Variants in COL4A4 observed in about 807,000 individuals in gnomAD.
COL4A4 encodes the protein collagen type IV alpha 4 chain, also known as collagen alpha-4(IV) chain.
COL4A4 carries 105 observed loss-of-function variants against 192.9 expected under a neutral mutation model. The ratio of observed to expected loss-of-function variants is 0.54; its 90% confidence interval spans 0.46 to 0.64. The LOEUF (loss-of-function observed/expected upper bound fraction) is 0.64. Among genes scored for constraint, COL4A4 ranks in the 30% least tolerant of loss-of-function variants. COL4A4 has a pLI of 0.00. For synonymous variants in COL4A4, 762 were observed against 769.9 expected, an observed-to-expected ratio of 0.99 and a Z score of 0.17; for missense variants, 1,967 against 2,169.3, an observed-to-expected ratio of 0.91 and a Z score of 1.85.
chr2:227,013,608 C>G (rs898111752), intron 44 of COL4A4, among the ~76,000 whole-genome samples: 1 of 152,190 alleles, frequency 6.6e-6, no homozygotes, highest in South Asian at 2.1e-4. Context: ...TTGGGAGAAA[C>G]CAGCCCTGTT....
At chr2:227,041,825 A>AG in intron 37 of COL4A4, among the ~76,000 whole-genome samples, 1 of 38,592 alleles carries the variant, frequency 2.6e-5, no homozygotes, top group African/African-American at 1.6e-4. Context: ...AGAAAGAAAG[A>AG]AAGAAAGAAA....
chr2:227,047,518 A>G lies in COL4A4; in HGVS notation c.3246T>C (p.Gly1082=). The G allele has an allele frequency of 6.2e-7, 1 of 1,613,804 alleles. No homozygotes were observed. The highest frequency in any genetic ancestry group is 1.1e-5 in the South Asian group (1 of 91,058). The part of the protein sequence containing the change: ...GNKGDPASHF[G]PPGPKGEPGS... Reference sequence around the variant, plus strand: ...CTGGCTCACCCTTTGGACCAGGTGGACCAAAGTGACTGGCAGGGTCACCTT... The same window carrying G: ...CTGGCTCACCCTTTGGACCAGGTGGGCCAAAGTGACTGGCAGGGTCACCTT... Residue 1082 remains glycine, a synonymous_variant, in exon 35 of 48, where the codon GGT becomes GGC. Coordinates refer to ENST00000396625, the MANE Select transcript of COL4A4 (RefSeq NM_000092.5).
chr2:226,969,617 T>G, the COL4A4 span, among the ~76,000 whole-genome samples: 3 of 152,172 alleles, frequency 2.0e-5, no homozygotes, highest in Non-Finnish European at 4.4e-5. Flanking sequence ...GAGTCCCGTT[T>G]GACAGACTTC....
At position 227,006,791 on chromosome 2, in the gene COL4A4, CTT is replaced by C. The variant is rs1157170445; in HGVS notation, c.*532_*533del. On this transcript the variant is annotated 3_prime_UTR_variant, in exon 48 of 48. Coordinates refer to ENST00000396625, the MANE Select transcript of COL4A4 (RefSeq NM_000092.5). ...TTTTCTTCTTTAAAAAAAAATCTCT[CTT>C]TGCGTCATGGTTTTACCATTATTTA... The C allele has an allele frequency of 4.5e-5, 7 of 153,956 alleles. No homozygotes were observed. Among genetic ancestry groups the C allele is most frequent in the Non-Finnish European group, 8.6e-5 (6 of 69,568 alleles). The allele number at this position is 153,956 out of a possible 1,614,324, so 9.5% of individuals were successfully genotyped here. A position where few individuals can be genotyped will look rare whatever the true frequency, so the allele number is the denominator to read the frequency against.
intron 4 of COL4A4, among the ~76,000 whole-genome samples, chr2:227,131,122 T>G (rs34636127): frequency 0.35 from 53,848 of 151,788 alleles, 10,028 homozygotes; most frequent in Non-Finnish European, 0.41. Flanking sequence ...TTTCTTATTA[T>G]GCAGGAAAAT....
rs369608707 is a variant in COL4A4 at position 227,090,349 on chromosome 2, G to A, written c.1370-392C>T. On this transcript the variant is annotated intron_variant, in intron 20 of 47. Coordinates refer to ENST00000396625, the MANE Select transcript of COL4A4 (RefSeq NM_000092.5). The stretch of plus-strand genomic sequence containing the variant: ...CTAATGAAGAAAATGGAAAAGCAGA[G>A]CTTATAGAAATAAAATTTCAGAGAT... 2.6e-5 allele frequency among the ~76,000 whole-genome samples: 4 copies of A among 152,220 alleles called. No homozygotes were observed. The South Asian group carries it at 8.3e-4, about 32-fold the overall frequency.
Position 227,072,704 on chromosome 2 carries a change from T to G in COL4A4, c.1987+5190A>C, listed in dbSNP as rs941980008. On this transcript the variant is annotated intron_variant, in intron 25 of 47. Transcript: ENST00000396625. ...AGCATATCAAAAAGAGAATTCATCA[T>G]GATCAAGTGGTTTTCATCCCAGGGA... Among the ~76,000 whole-genome samples the G allele has an allele frequency of 2.0e-5, 3 of 152,196 alleles. No individual in the cohort carries two copies. The East Asian group carries it at 5.8e-4, about 29-fold the overall frequency.
At chr2:227,062,628 C>A in intron 25 of COL4A4, 30 bp from the exon 26 acceptor site, 1 of 1,506,134 alleles carries the variant, frequency 6.6e-7, no homozygotes. Context: ...GCGGCATTCA[C>A]ATAACTGATA....
intron 35 of COL4A4, among the ~76,000 whole-genome samples, chr2:227,045,855 T>G (rs1455385968): frequency 2.3e-5 from 2 of 87,462 alleles, no homozygotes; most frequent in East Asian, 5.8e-4. Context: ...TATACACATA[T>G]ATATATACAC....
intron 37 of COL4A4, among the ~76,000 whole-genome samples, chr2:227,040,085 A>G (rs1970475113): frequency 6.6e-6 from 1 of 152,224 alleles, no homozygotes. Flanking sequence ...AAGCTATCCA[A>G]TGAGTGAAGA....
chr2:227,065,304 G>C (rs1020328747), intron 25 of COL4A4, among the ~76,000 whole-genome samples: 1 of 152,260 alleles, frequency 6.6e-6, no homozygotes, highest in Admixed American at 6.5e-5. Context: ...GCTGGGGGAG[G>C]GGCGCCCGCC....
chr2:227,148,918 T>C (rs917361505), intron 1 of COL4A4, among the ~76,000 whole-genome samples: 3 of 151,904 alleles, frequency 2.0e-5, no homozygotes, highest in Admixed American at 6.6e-5. Flanking sequence ...CTTGGCTCAC[T>C]GCTGCCTCTG....
intron 44 of COL4A4, among the ~76,000 whole-genome samples, chr2:227,014,046 C>T (rs894247746): frequency 1.7e-4 from 26 of 152,226 alleles, no homozygotes; most frequent in Non-Finnish European, 3.5e-4. Context: ...ATTTCCCACG[C>T]AGGCCCCTCC....
chr2:227,071,109 G>A (rs2058697353), intron 25 of COL4A4, among the ~76,000 whole-genome samples: 1 of 151,942 alleles, frequency 6.6e-6, no homozygotes, highest in Admixed American at 6.6e-5. Context: ...GATACGGGAT[G>A]GCAAAATGGA....
chr2:226,995,332 A>T, the COL4A4 span: 2 of 721,476 alleles, frequency 2.8e-6, no homozygotes, highest in Non-Finnish European at 4.9e-6. Flanking sequence ...TAAAATGAAG[A>T]TGACACCCAA....
At chr2:227,099,249 T>C (rs1317292409) in intron 18 of COL4A4, among the ~76,000 whole-genome samples, 3 of 152,216 alleles carry the variant, frequency 2.0e-5, no homozygotes, top group Non-Finnish European at 2.9e-5. Flanking sequence ...GTATTATTAG[T>C]AGAGATGGGA....
At chr2:227,095,698 T>C (rs1197802541) in intron 19 of COL4A4, among the ~76,000 whole-genome samples, 1 of 152,104 alleles carries the variant, frequency 6.6e-6, no homozygotes, top group Non-Finnish European at 1.5e-5. Flanking sequence ...AGTTTGAGAC[T>C]AGCCTGGCCA....
At chr2:226,973,092 G>A in the COL4A4 span, among the ~76,000 whole-genome samples, 1 of 152,186 alleles carries the variant, frequency 6.6e-6, no homozygotes, top group African/African-American at 2.4e-5. Context: ...CCTCACAGAA[G>A]TTCCTCCCTG....
At chr2:227,091,505 G>A (rs1039672018) in intron 20 of COL4A4, among the ~76,000 whole-genome samples, 11 of 151,716 alleles carry the variant, frequency 7.3e-5, no homozygotes, top group Non-Finnish European at 1.5e-4. Context: ...GGGAAAAAAT[G>A]GAGGAGACAA....
Sources: gnomAD v4.1 joint callset for allele counts (sites outside exome capture counted in the v4.1 genomes callset) on GRCh38, gnomAD v4.1.1 for gene constraint, MANE v1.5 for transcripts, NCBI Gene and HGNC (gene_info 2026-07-23, HGNC 2026-07-21) for gene names.